Variants in DRC1 observed in about 807,000 individuals in gnomAD.
The protein encoded by DRC1 is dynein regulatory complex protein 1.
A neutral mutation model predicts 98.7 loss-of-function variants in DRC1; 74 were observed. That is an observed-to-expected ratio of 0.75 (90% CI 0.62 to 0.91). DRC1 has a LOEUF of 0.91. Ranked by LOEUF, DRC1 falls within the 40% of genes least tolerant of loss-of-function variation. DRC1 has a pLI of 0.00. For missense variants in DRC1, 875 were observed against 886.0 expected, an observed-to-expected ratio of 0.99 and a Z score of 0.16; for synonymous variants, 336 against 334.1, an observed-to-expected ratio of 1.01 and a Z score of -0.06.
At chr2:26,426,503 A>G (rs1663288640) in intron 4 of DRC1, among the ~76,000 whole-genome samples, 1 of 151,798 alleles carries the variant, frequency 6.6e-6, no homozygotes, top group Non-Finnish European at 1.5e-5. Context: ...AGAAGCTGAG[A>G]CTACAGGCAT....
At chr2:26,456,365 T>C in intron 16 of DRC1, 96 bp from the exon 17 acceptor site, 1 of 1,489,846 alleles carries the variant, frequency 6.7e-7, no homozygotes, top group East Asian at 2.3e-5. Context: ...CGTGCAGGGC[T>C]TTGGAGGCCC....
intron 1 of DRC1, among the ~76,000 whole-genome samples, chr2:26,403,887 G>T (rs1165562359): frequency 6.6e-6 from 1 of 151,874 alleles, no homozygotes; most frequent in South Asian, 2.1e-4. Flanking sequence ...GGATCACGAG[G>T]TCAGGAGTTT....
At chr2:26,423,762 T>A (rs1482971668) in intron 3 of DRC1, among the ~76,000 whole-genome samples, 2 of 152,216 alleles carry the variant, frequency 1.3e-5, no homozygotes, top group Non-Finnish European at 2.9e-5. Context: ...GTGCAGCATC[T>A]TATTTCATCC....
In DRC1 at chr2:26,402,147, G is replaced by C. The variant is rs761683021; in HGVS notation, c.155+3G>C. On this transcript the variant is annotated splice_donor_region_variant and intron_variant, in intron 1 of 16. Coordinates refer to ENST00000288710, the MANE Select transcript of DRC1 (RefSeq NM_145038.5). ...GCGCGCTTAGAAGCCCGGAGGCGGTGAGCGCGGGGGCGGGCGGGGCGGGAT... is the reference window on the plus strand; with the variant it reads ...GCGCGCTTAGAAGCCCGGAGGCGGTCAGCGCGGGGGCGGGCGGGGCGGGAT... 1.9e-6 allele frequency: 3 copies of C among 1,594,466 alleles called. No individual in the cohort carries two copies. The Admixed American group carries it at 5.2e-5, about 28-fold the overall frequency.
At chr2:26,424,558 C>A in intron 4 of DRC1, 104 bp downstream of exon 4, 2 of 1,191,306 alleles carry the variant, frequency 1.7e-6, no homozygotes, top group Non-Finnish European at 2.3e-6. Context: ...AAACCTTTTA[C>A]TTCATTATTT....
At chr2:26,444,473 C>G (rs1202253740) in intron 9 of DRC1, 117 bp downstream of exon 9, 7 of 1,390,568 alleles carry the variant, frequency 5.0e-6, no homozygotes, top group Non-Finnish European at 6.8e-6. Context: ...GGGGCTGGAC[C>G]AGGCACTAGT....
intron 1 of DRC1, among the ~76,000 whole-genome samples, chr2:26,405,988 G>A (rs1415647565): frequency 3.3e-5 from 5 of 152,086 alleles, no homozygotes; most frequent in South Asian, 2.1e-4. Flanking sequence ...TTGGGGCCGC[G>A]CATTGTGCGT....
At chr2:26,424,141 T>G in intron 3 of DRC1, 130 bp from the exon 4 acceptor site, 1 of 1,011,844 alleles carries the variant, frequency 9.9e-7, no homozygotes, top group Non-Finnish European at 1.5e-6. Flanking sequence ...AGTTTGATTT[T>G]GGGCGGGTGT....
At chr2:26,453,573 T>C in intron 14 of DRC1, 24 bp downstream of exon 14, 2 of 1,605,774 alleles carry the variant, frequency 1.2e-6, no homozygotes. Flanking sequence ...CTGGAAGGCT[T>C]GCCTGAGACC....
intron 2 of DRC1, among the ~76,000 whole-genome samples, chr2:26,418,647 T>A (rs1450671206): frequency 3.3e-5 from 3 of 90,402 alleles, no homozygotes; most frequent in East Asian, 4.9e-4. Context: ...ATTTATATAA[T>A]ATATAAATTA....
At chr2:26,437,215 G>A (rs1663596326) in intron 7 of DRC1, among the ~76,000 whole-genome samples, 1 of 152,154 alleles carries the variant, frequency 6.6e-6, no homozygotes, top group African/African-American at 2.4e-5. Flanking sequence ...AGACACTCAG[G>A]GCCATCCCTA....
intron 7 of DRC1, among the ~76,000 whole-genome samples, chr2:26,434,214 A>G (rs1234021954): frequency 6.6e-6 from 1 of 152,206 alleles, no homozygotes; most frequent in Non-Finnish European, 1.5e-5. Flanking sequence ...GGTAAAGTAC[A>G]AGAAGTAAAA....
Position 26,454,518 on chromosome 2 carries a change from C to A in DRC1, c.1920-129C>A. The A allele has an allele frequency of 7.4e-7, 1 of 1,346,990 alleles. No individual in the cohort carries two copies. The highest frequency in any genetic ancestry group is 1.4e-5 in the South Asian group (1 of 72,296). 83.4% of individuals were successfully genotyped at this position (1,346,990 alleles called of 1,614,324 possible). ...TGCGTCCTTTCTGAGAACCTGCCACCGTCTAATAAACTTGGACTGCTGAGT... is the reference window on the plus strand; with the variant it reads ...TGCGTCCTTTCTGAGAACCTGCCACAGTCTAATAAACTTGGACTGCTGAGT... On this transcript the variant is annotated intron_variant, in intron 14 of 16. Transcript: ENST00000288710. The surrounding 1 kb of genome is among the most constrained non-coding windows in gnomAD (Gnocchi z 5.2).
intron 8 of DRC1, among the ~76,000 whole-genome samples, chr2:26,442,167 A>C (rs1388336258): frequency 6.6e-6 from 1 of 152,168 alleles, no homozygotes; most frequent in African/African-American, 2.4e-5. Context: ...TCTTTTATAA[A>C]GGCCTTAATC....
At chr2:26,421,216 A>C in intron 2 of DRC1, 72 bp from the exon 3 acceptor site, 1 of 1,440,922 alleles carries the variant, frequency 6.9e-7, no homozygotes, top group South Asian at 1.3e-5. Context: ...CAGTTGTGCA[A>C]AAATGTTTCA....
In DRC1 at chr2:26,450,129, G is replaced by T. The variant is rs371798371; in HGVS notation, c.1599+44G>T. On this transcript the variant is annotated intron_variant, in intron 12 of 16. Coordinates refer to ENST00000288710, the MANE Select transcript of DRC1 (RefSeq NM_145038.5). ...GGAGGACACGGGTGGGGCTGCAGCC[G>T]GCCGTGTTCTCAGATGGCCCTGCCA... is the stretch of plus-strand genomic sequence containing the variant. The T allele has an allele frequency of 1.9e-6, 3 of 1,570,568 alleles. No individual in the cohort carries two copies. In the African/African-American group the frequency reaches 4.1e-5, roughly 21 times the overall value.
chr2:26,416,391 C>CA (rs1477922104), intron 2 of DRC1, among the ~76,000 whole-genome samples: 3 of 152,256 alleles, frequency 2.0e-5, no homozygotes, highest in South Asian at 4.2e-4. Context: ...CTGCCTGCCT[C>CA]AGCCTCCCAA....
At chr2:26,444,992 C>T in intron 10 of DRC1, 44 bp downstream of exon 10, 1 of 1,592,914 alleles carries the variant, frequency 6.3e-7, no homozygotes, top group Admixed American at 1.7e-5. Flanking sequence ...GGAGGAGCCC[C>T]CTGAGAACAT....
intron 7 of DRC1, among the ~76,000 whole-genome samples, chr2:26,437,303 G>A (rs577291784): frequency 6.6e-6 from 1 of 152,286 alleles, no homozygotes; most frequent in East Asian, 1.9e-4. Context: ...TGCTGTTGTT[G>A]GCATCATCCA....
Sources: gnomAD v4.1 joint callset for allele counts (sites outside exome capture counted in the v4.1 genomes callset) on GRCh38, gnomAD v4.1.1 for gene constraint, Gnocchi (gnomAD v3.1) non-coding constraint, MANE v1.5 for transcripts, NCBI Gene and HGNC (gene_info 2026-07-23, HGNC 2026-07-21) for gene names.